The following ARHGAP24 variants were observed in gnomAD, a reference collection of about 807,000 sequenced individuals.
The protein encoded by ARHGAP24 is rho GTPase-activating protein 24.
ARHGAP24 carries 50 observed loss-of-function variants against 76.4 expected under a neutral mutation model. That is an observed-to-expected ratio of 0.65 (90% confidence interval 0.52 to 0.83). The LOEUF (loss-of-function observed/expected upper bound fraction) is 0.83. ARHGAP24 is among the 40% of genes least tolerant of loss of function. The pLI is 0.00. For synonymous variants in ARHGAP24, 345 were observed against 323.3 expected (o/e 1.07, Z -0.72); for missense variants, 930 against 914.2 (o/e 1.02, Z -0.22).
chr4:85,666,823 C>T (rs903580814), intron 2 of ARHGAP24, among the ~76,000 whole-genome samples: 2 of 152,116 alleles, frequency 1.3e-5, no homozygotes, highest in African/African-American at 2.4e-5. Flanking sequence ...TTTCGTGAAC[C>T]GCGAATGCTG....
chr4:85,971,160 C>A lies in ARHGAP24; in HGVS notation c.600-876C>A, dbSNP rs141260430. ...AATTATGCTTAGAATCAATTATTTT[C>A]AAAATGAGCTCTGTTAAAAATTTAT... is the stretch of plus-strand genomic sequence containing the variant. On this transcript the variant is annotated intron_variant, in intron 5 of 9. Coordinates refer to ENST00000395184, the MANE Select transcript of ARHGAP24 (RefSeq NM_001025616.3). Among the ~76,000 whole-genome samples the A allele has an allele frequency of 7.6e-4, 115 of 152,264 alleles. No homozygotes were observed. In the East Asian group the frequency reaches 0.021, roughly 28 times the overall value.
At chr4:85,477,854 C>A (rs2110085544) in intron 1 of ARHGAP24, among the ~76,000 whole-genome samples, 1 of 152,266 alleles carries the variant, frequency 6.6e-6, no homozygotes, top group East Asian at 1.9e-4. Context: ...GCGTTTGTTT[C>A]CTGTTCTTAG....
chr4:85,756,976 A>G (rs2110070414), intron 3 of ARHGAP24, among the ~76,000 whole-genome samples: 1 of 152,246 alleles, frequency 6.6e-6, no homozygotes, highest in Admixed American at 6.5e-5. Flanking sequence ...TGTGTTTCAA[A>G]ACTGTTTTTT....
intron 5 of ARHGAP24, among the ~76,000 whole-genome samples, chr4:85,967,762 T>C (rs374813235): frequency 6.6e-6 from 1 of 152,136 alleles, no homozygotes. Context: ...TGACTTTACG[T>C]TAGCAAATAG....
At chr4:85,522,324 T>TTTTTG (rs1724808715) in intron 1 of ARHGAP24, among the ~76,000 whole-genome samples, 2 of 152,150 alleles carry the variant, frequency 1.3e-5, no homozygotes, top group Non-Finnish European at 2.9e-5. Flanking sequence ...ATCCCAGAGT[T>TTTTTG]TTTTGTTTTG....
intron 2 of ARHGAP24, among the ~76,000 whole-genome samples, chr4:85,587,550 ATATAT>A (rs1198777695): frequency 6.6e-6 from 1 of 152,204 alleles, no homozygotes; most frequent in Non-Finnish European, 1.5e-5. Flanking sequence ...GCTTATGTTG[ATATAT>A]TATTTTATTA....
chr4:85,486,286 T>C (rs1241845607), intron 1 of ARHGAP24, among the ~76,000 whole-genome samples: 1 of 152,108 alleles, frequency 6.6e-6, no homozygotes, highest in Non-Finnish European at 1.5e-5. Context: ...GGGTGTTTTT[T>C]TTTTATCTTG....
intron 4 of ARHGAP24, among the ~76,000 whole-genome samples, chr4:85,931,658 G>C (rs559795593): frequency 2.6e-5 from 4 of 152,214 alleles, no homozygotes; most frequent in African/African-American, 9.6e-5. Flanking sequence ...TGAGAACATA[G>C]AACAACTTAT....
intron 2 of ARHGAP24, among the ~76,000 whole-genome samples, chr4:85,660,536 A>C (rs899871532): frequency 1.3e-5 from 2 of 151,634 alleles, no homozygotes; most frequent in Non-Finnish European, 2.9e-5. Flanking sequence ...TGTGGATCAC[A>C]CCTGTAATCC....
At chr4:85,820,112 G>A (rs1438940288) in intron 3 of ARHGAP24, among the ~76,000 whole-genome samples, 2 of 152,136 alleles carry the variant, frequency 1.3e-5, no homozygotes, top group African/African-American at 4.8e-5. Flanking sequence ...ATTGCCATTT[G>A]CCCTGGCAAT....
chr4:85,706,588 T>C lies in ARHGAP24; in HGVS notation c.181-15297T>C, dbSNP rs537515923. Among the ~76,000 whole-genome samples the C allele has an allele frequency of 5.0e-3, 764 of 151,946 alleles. 5 individuals carry two copies. The highest frequency in any genetic ancestry group is 0.017 in the African/African-American group (723 of 41,456). ...TTTTTTTTTCTTTTTTCTTTTGAGATGGAATCTCACTCTGTCACCCAGGCT... is the reference window on the plus strand; with the variant it reads ...TTTTTTTTTCTTTTTTCTTTTGAGACGGAATCTCACTCTGTCACCCAGGCT... On this transcript the variant is annotated intron_variant, in intron 2 of 9. Transcript: ENST00000395184.
At chr4:85,882,754 A>C (rs1733333107) in intron 3 of ARHGAP24, among the ~76,000 whole-genome samples, 1 of 152,210 alleles carries the variant, frequency 6.6e-6, no homozygotes, top group Non-Finnish European at 1.5e-5. Flanking sequence ...GAGAACATAA[A>C]GGGACAATGC....
At chr4:85,935,773 G>C (rs1397031402) in intron 4 of ARHGAP24, among the ~76,000 whole-genome samples, 1 of 152,070 alleles carries the variant, frequency 6.6e-6, no homozygotes, top group Non-Finnish European at 1.5e-5. Flanking sequence ...GTGTATAATT[G>C]CTCCAATGGT....
chr4:85,591,203 G>T (rs914494434), intron 2 of ARHGAP24, among the ~76,000 whole-genome samples: 4 of 151,868 alleles, frequency 2.6e-5, no homozygotes, highest in Admixed American at 2.6e-4. Flanking sequence ...GCGCCACCAT[G>T]CCTGGCTAAT....
intron 1 of ARHGAP24, among the ~76,000 whole-genome samples, chr4:85,510,297 G>T (rs1172795271): frequency 6.6e-6 from 1 of 152,108 alleles, no homozygotes; most frequent in East Asian, 1.9e-4. Context: ...TTCTGTGTCA[G>T]CTGGCACTAA....
intron 2 of ARHGAP24, among the ~76,000 whole-genome samples, chr4:85,693,502 C>T (rs1578145737): frequency 6.6e-6 from 1 of 152,342 alleles, no homozygotes; most frequent in African/African-American, 2.4e-5. Flanking sequence ...TTAGCAGTCT[C>T]AAGCTGCATG....
intron 2 of ARHGAP24, among the ~76,000 whole-genome samples, chr4:85,656,764 C>A (rs1450823523): frequency 6.6e-6 from 1 of 150,658 alleles, no homozygotes; most frequent in African/African-American, 2.5e-5. Flanking sequence ...CCACGCCTGG[C>A]CAATAAAGCT....
At chr4:85,989,690 C>T (rs1000721357) in intron 8 of ARHGAP24, among the ~76,000 whole-genome samples, 1 of 151,570 alleles carries the variant, frequency 6.6e-6, no homozygotes, top group African/African-American at 2.4e-5. Flanking sequence ...AAATCAGGAC[C>T]AGTGGGGTTT....
At chr4:85,712,917 C>T (rs2110036042) in intron 2 of ARHGAP24, among the ~76,000 whole-genome samples, 1 of 152,288 alleles carries the variant, frequency 6.6e-6, no homozygotes, top group East Asian at 1.9e-4. Context: ...TTCCACAGTC[C>T]TTACTGCAAG....
Sources: gnomAD v4.1 joint callset for allele counts (sites outside exome capture counted in the v4.1 genomes callset) on GRCh38, gnomAD v4.1.1 for gene constraint, MANE v1.5 for transcripts, NCBI Gene and HGNC (gene_info 2026-07-23, HGNC 2026-07-21) for gene names.